CEMIP2: variants seen among roughly 807,000 people sequenced by gnomAD.
The protein encoded by CEMIP2 is cell migration inducing hyaluronidase 2.
A neutral mutation model predicts 146.9 loss-of-function variants in CEMIP2; 79 were observed. The observed-to-expected ratio is 0.54, with a 90% CI of 0.45 to 0.65. The LOEUF (loss-of-function observed/expected upper bound fraction) is 0.65. Ranked by LOEUF, CEMIP2 falls within the 30% of genes least tolerant of loss-of-function variation. The pLI is 0.00. For missense variants in CEMIP2, 1,596 were observed against 1,696.2 expected, an observed-to-expected ratio of 0.94 and a Z score of 1.04; for synonymous variants, 601 against 606.3, an observed-to-expected ratio of 0.99 and a Z score of 0.13.
intron 11 of CEMIP2, 111 bp from the exon 12 acceptor site, chr9:71,722,626 G>C: frequency 1.3e-6 from 1 of 790,028 alleles, no homozygotes; most frequent in East Asian, 2.8e-5. Flanking sequence ...AAAAAAAGTG[G>C]GGCAGGGAAT....
chr9:71,687,462 C>CTGTGTGTGTGTGTGTGTGTGTG (rs71353506), intron 22 of CEMIP2: 3 of 141,328 alleles, frequency 2.1e-5, no homozygotes, highest in African/African-American at 8.3e-5. Context: ...TATTTATTTT[C>CTGTGTGTGTGTGTGTGTGTGTG]TGTGTGTGTG....
intron 11 of CEMIP2, 42 bp downstream of exon 11, chr9:71,725,539 C>T (rs1450581389): frequency 1.9e-6 from 3 of 1,590,402 alleles, no homozygotes; most frequent in Admixed American, 3.4e-5. Flanking sequence ...ATCCTTTACA[C>T]TGTCTAGCAT....
At chr9:71,708,028 T>C (rs1232971496) in intron 17 of CEMIP2, among the ~76,000 whole-genome samples, 1 of 151,894 alleles carries the variant, frequency 6.6e-6, no homozygotes, top group East Asian at 1.9e-4. Flanking sequence ...CTATTAAAAA[T>C]ACAAAAAAAC....
chr9:71,687,588 G>T (rs1035422868), intron 22 of CEMIP2, among the ~76,000 whole-genome samples: 2 of 151,772 alleles, frequency 1.3e-5, no homozygotes, highest in African/African-American at 2.4e-5. Flanking sequence ...CAGCACTTTG[G>T]AAGGCTGAGA....
chr9:71,762,578 T>C (rs1023936511), intron 1 of CEMIP2, among the ~76,000 whole-genome samples: 1 of 145,702 alleles, frequency 6.9e-6, no homozygotes, highest in Non-Finnish European at 1.5e-5. Context: ...CAAGCCCAAG[T>C]GCTGCAAGCA....
rs1040311179 is a variant in CEMIP2, at chr9:71,704,746, A to G, written c.3043T>C (p.Tyr1015His). ...CGGAGCACCATAGGGTTGGACGGAT[A>G]CTCATCTCGTGTAATGGTCATAGAA... ...NLSMTITRDE[Y>H]PSNPMVLRGI... The change falls in exon 18 of 24, where the codon TAT (tyrosine) becomes CAT (histidine). Residue 1015 changes from tyrosine (Y) to histidine (H), a missense_variant. Tyr to His is a moderately conservative substitution (Grantham distance 83, BLOSUM62 2). Transcript: ENST00000377044. 6.2e-7 allele frequency: 1 copy of G among 1,614,016 alleles called. No homozygotes were observed. The highest frequency in any genetic ancestry group is 1.3e-5 in the African/African-American group (1 of 74,902).
At chr9:71,723,823 A>G (rs1042028338) in intron 11 of CEMIP2, among the ~76,000 whole-genome samples, 1 of 152,108 alleles carries the variant, frequency 6.6e-6, no homozygotes, top group African/African-American at 2.4e-5. Flanking sequence ...GTATGTGTTT[A>G]TGAGTTATTC....
chr9:71,757,666 C>T (rs1237810342), intron 1 of CEMIP2, among the ~76,000 whole-genome samples: 1 of 152,198 alleles, frequency 6.6e-6, no homozygotes, highest in Non-Finnish European at 1.5e-5. Context: ...AATAATTCCA[C>T]ATTCCCAACC....
Position 71,725,575 on chromosome 9 carries a change from A to G in CEMIP2, c.2178+6T>C. On this transcript the variant is annotated splice_donor_region_variant and intron_variant, in intron 11 of 23. Coordinates refer to ENST00000377044, the MANE Select transcript of CEMIP2 (RefSeq NM_013390.3). Reference sequence around the variant, plus strand: ...ATGTACTAATTGTTAAAACTTAGAAACCTACCTTAAAATTTGAATGGACCC... The same window carrying G: ...ATGTACTAATTGTTAAAACTTAGAAGCCTACCTTAAAATTTGAATGGACCC... 6.2e-7 allele frequency: 1 copy of G among 1,613,322 alleles called. No individual in the cohort carries two copies. The highest frequency in any genetic ancestry group is 8.5e-7 in the Non-Finnish European group (1 of 1,179,788).
intron 14 of CEMIP2, among the ~76,000 whole-genome samples, chr9:71,715,623 A>AAAATATATATATATATAT (rs1564005835): frequency 2.5e-5 from 1 of 40,062 alleles, no homozygotes; most frequent in Non-Finnish European, 6.7e-5. Context: ...TATCCCTCTT[A>AAAATATATATATATATAT]AGATATATAT....
At chr9:71,717,086 T>C (rs7873979) in intron 13 of CEMIP2, among the ~76,000 whole-genome samples, 4,745 of 152,202 alleles carry the variant, frequency 0.031, 220 homozygotes, top group African/African-American at 0.11. Flanking sequence ...GTGAGAGGTT[T>C]GCTTGAGCAT....
At chr9:71,725,897 A>C (rs11142977) in intron 10 of CEMIP2, among the ~76,000 whole-genome samples, 188 bp from the exon 11 acceptor site, 1 of 151,868 alleles carries the variant, frequency 6.6e-6, no homozygotes, top group Non-Finnish European at 1.5e-5. Context: ...GTATTTTTTT[A>C]AAAAAGCAAA....
chr9:71,734,546 C>G (rs1453010190), intron 6 of CEMIP2, among the ~76,000 whole-genome samples: 1 of 152,144 alleles, frequency 6.6e-6, no homozygotes, highest in Non-Finnish European at 1.5e-5. Flanking sequence ...ATCAATTTCT[C>G]TAGTTGACAT....
chr9:71,765,451 A>G (rs1210133906), intron 1 of CEMIP2, among the ~76,000 whole-genome samples: 2 of 152,196 alleles, frequency 1.3e-5, no homozygotes, highest in Non-Finnish European at 2.9e-5. Flanking sequence ...ACAACGTGAG[A>G]AGGATTAGGG....
intron 16 of CEMIP2, 34 bp from the exon 17 acceptor site, chr9:71,709,508 T>A: frequency 1.9e-6 from 3 of 1,575,092 alleles, no homozygotes; most frequent in Non-Finnish European, 1.7e-6. Flanking sequence ...CATCACAAAG[T>A]GAGGGCTCCT....
rs1385395303 is a variant in CEMIP2 at position 71,729,914 on chromosome 9, C to T, written c.1980G>A (p.Met660Ile). ...GAGCAATCCAGAAAGTTGAAACAGC[C>T]CTGCAAGGCATTTTTCAAGGTGATT... The part of the protein sequence containing the change: ...NYIPVPATDC[M>I]AVSTFWIAHP... The change falls in exon 10 of 24, where the codon ATG becomes ATA. Residue 660 changes from methionine to isoleucine, a missense_variant and splice_region_variant. Coordinates refer to ENST00000377044, the MANE Select transcript of CEMIP2 (RefSeq NM_013390.3). 2 of 1,614,018 alleles carry T rather than the reference C, an allele frequency of 1.2e-6. No individual in the cohort carries two copies. The highest frequency in any genetic ancestry group is 3.3e-5 in the Admixed American group (2 of 60,002).
chr9:71,715,021 C>A lies in CEMIP2; in HGVS notation c.2504G>T (p.Ser835Ile). Residue 835 changes from serine (S) to isoleucine (I), a missense_variant, in exon 15 of 24, where the codon AGC becomes ATC. Ser to Ile is a moderately radical substitution (Grantham distance 142). Coordinates refer to ENST00000377044, the MANE Select transcript of CEMIP2 (RefSeq NM_013390.3). The part of the protein sequence containing the change: ...EVSESLFVGE[S>I]RNYGFQGGQN... Reference sequence around the variant, plus strand: ...ACCACCCTGAAAGCCGTAATTCCTGCTCTCCCCAACAAAGAGAGATTCAGA... The same window carrying A: ...ACCACCCTGAAAGCCGTAATTCCTGATCTCCCCAACAAAGAGAGATTCAGA... 1 of 1,614,008 alleles carries A rather than the reference C, an allele frequency of 6.2e-7. No homozygotes were observed. The highest frequency in any genetic ancestry group is 8.5e-7 in the Non-Finnish European group (1 of 1,179,938).
intron 18 of CEMIP2, among the ~76,000 whole-genome samples, chr9:71,702,386 T>C (rs1822591764): frequency 7.0e-6 from 1 of 142,382 alleles, no homozygotes; most frequent in African/African-American, 2.6e-5. Flanking sequence ...TTGTCTATAA[T>C]AGCAAAATGC....
rs1016980448 is a variant in CEMIP2, at chr9:71,758,658, C to A, written c.-12-8273G>T. On this transcript the variant is annotated intron_variant, in intron 1 of 23. Coordinates refer to ENST00000377044, the MANE Select transcript of CEMIP2 (RefSeq NM_013390.3). Reference sequence around the variant, plus strand: ...TGTAAGGAGTCAGACTTAATTAATCCTTCCTAGAACCGGACAAGAGAAAGC... The same window carrying A: ...TGTAAGGAGTCAGACTTAATTAATCATTCCTAGAACCGGACAAGAGAAAGC... Among the ~76,000 whole-genome samples the A allele has an allele frequency of 6.6e-5, 10 of 152,292 alleles. 1 individual carries two copies. Among genetic ancestry groups the A allele is most frequent in the East Asian group, 5.8e-4 (3 of 5,180 alleles).
Sources: allele counts gnomAD v4.1 joint callset (sites outside exome capture counted in the v4.1 genomes callset), GRCh38; gene constraint gnomAD v4.1.1; transcripts MANE v1.5; gene names NCBI Gene and HGNC (gene_info 2026-07-23, HGNC 2026-07-21).